The following KIF26B variants were observed in gnomAD, a reference collection of about 807,000 sequenced individuals.
KIF26B encodes kinesin-like protein KIF26B.
In KIF26B, 63 loss-of-function variants were observed where a neutral mutation model predicts 151.2. That is an observed-to-expected ratio of 0.42 (90% CI 0.34 to 0.51). KIF26B has a LOEUF of 0.51. Ranked by LOEUF, KIF26B falls within the 20% of genes least tolerant of loss-of-function variation. KIF26B has a pLI of 0.07. For missense variants in KIF26B, 2,813 were observed against 2,913.6 expected, an observed-to-expected ratio of 0.97 and a Z score of 0.79; for synonymous variants, 1,357 against 1,262.1, an observed-to-expected ratio of 1.08 and a Z score of -1.59.
At chr1:245,258,052 G>A (rs1163834835) in intron 2 of KIF26B, among the ~76,000 whole-genome samples, 1 of 152,028 alleles carries the variant, frequency 6.6e-6, no homozygotes, top group African/African-American at 2.4e-5. Flanking sequence ...GAAGCTTCTC[G>A]ATCTTGTCAC....
At chr1:245,631,398 C>A (rs969109152) in intron 9 of KIF26B, among the ~76,000 whole-genome samples, 1 of 151,854 alleles carries the variant, frequency 6.6e-6, no homozygotes, top group Non-Finnish European at 1.5e-5. Context: ...TTGTTTTAGT[C>A]TCTCATATGT....
Position 245,354,982 on chromosome 1 carries a change from G to A in KIF26B, c.466-11852G>A, listed in dbSNP as rs146088411. Among the ~76,000 whole-genome samples the A allele has an allele frequency of 7.4e-3, 1,120 of 152,232 alleles. 17 individuals carry two copies. The highest frequency in any genetic ancestry group is 0.023 in the African/African-American group (964 of 41,528). On this transcript the variant is annotated intron_variant, in intron 2 of 14. Transcript: ENST00000407071. ...GTCACCCAGGCTAGAGTGCACTGGC[G>A]CGATCTCGGCTCGCTGCAACCTATG...
At chr1:245,189,796 G>A (rs563533983) in intron 2 of KIF26B, among the ~76,000 whole-genome samples, 1 of 152,346 alleles carries the variant, frequency 6.6e-6, no homozygotes, top group African/African-American at 2.4e-5. Flanking sequence ...ATGAGACTGG[G>A]TAATTTATAA....
Position 245,419,731 on chromosome 1 carries a change from C to T in KIF26B, c.1152C>T (p.Ala384=). 1 of 1,612,100 alleles carries T rather than the reference C, an allele frequency of 6.2e-7. No homozygotes were observed. Among genetic ancestry groups the T allele is most frequent in the African/African-American group, 1.3e-5 (1 of 75,002 alleles). The change falls in exon 4 of 15, where the codon GCC becomes GCT. Residue 384 remains alanine (A), a synonymous_variant. Coordinates refer to ENST00000407071, the MANE Select transcript of KIF26B (RefSeq NM_018012.4). ...CTTCCACAGGCACATCGGTGGCCGC[C>T]TCCTTCTTTGCACGGTAAGAGAGCT... The part of the protein sequence containing the change: ...SETSTGTSVA[A]SFFARAAQKL...
At position 245,450,101 on chromosome 1, in the gene KIF26B, T is replaced by G. The variant is rs181064663; in HGVS notation, c.1166+30356T>G. The stretch of plus-strand genomic sequence containing the variant: ...ACAATTGGTGTGTATCTGGGTGGAA[T>G]GTGGTACCCGTGGTGAGTTTGCTTG... On this transcript the variant is annotated intron_variant, in intron 4 of 14. Coordinates refer to ENST00000407071, the MANE Select transcript of KIF26B (RefSeq NM_018012.4). 2.0e-5 allele frequency among the ~76,000 whole-genome samples: 3 copies of G among 152,286 alleles called. No individual in the cohort carries two copies. The East Asian group carries it at 5.8e-4, about 29-fold the overall frequency.
intron 2 of KIF26B, among the ~76,000 whole-genome samples, chr1:245,343,926 C>T (rs574421451): frequency 1.3e-5 from 2 of 152,280 alleles, no homozygotes; most frequent in South Asian, 2.1e-4. Flanking sequence ...TCCTACACAT[C>T]CAGTCCTCTG....
rs191710799 is a variant in KIF26B at position 245,411,466 on chromosome 1, T to A, written c.1000-8113T>A. On this transcript the variant is annotated intron_variant, in intron 3 of 14. Transcript: ENST00000407071. ...GTTAGGAGGCATCCCAGTGCTTCCCTCCTCAGTGAGTCATTTCATCTGTTT... is the reference window on the plus strand; with the variant it reads ...GTTAGGAGGCATCCCAGTGCTTCCCACCTCAGTGAGTCATTTCATCTGTTT... Among the ~76,000 whole-genome samples the A allele has an allele frequency of 2.8e-3, 425 of 152,280 alleles. 6 individuals carry two copies. Among genetic ancestry groups the A allele is most frequent in the African/African-American group, 9.8e-3 (406 of 41,562 alleles).
chr1:245,617,360 A>C (rs2043601587), intron 9 of KIF26B, among the ~76,000 whole-genome samples: 1 of 152,166 alleles, frequency 6.6e-6, no homozygotes, highest in Non-Finnish European at 1.5e-5. Flanking sequence ...GGCCTCCCCA[A>C]AGTGCTGGGA....
chr1:245,174,383 C>T (rs545927674), intron 2 of KIF26B, among the ~76,000 whole-genome samples: 12 of 151,694 alleles, frequency 7.9e-5, no homozygotes, highest in African/African-American at 2.9e-4. Context: ...CTTAAATTCA[C>T]TTAATAGACA....
At chr1:245,279,896 A>G (rs1671008478) in intron 2 of KIF26B, among the ~76,000 whole-genome samples, 1 of 151,968 alleles carries the variant, frequency 6.6e-6, no homozygotes, top group South Asian at 2.1e-4. Context: ...TCCCTCGTAA[A>G]TCTTTAGCTT....
chr1:245,701,548 A>C (rs1385760310), intron 14 of KIF26B, among the ~76,000 whole-genome samples: 2 of 152,220 alleles, frequency 1.3e-5, no homozygotes, highest in African/African-American at 2.4e-5. Context: ...TGCAGAAAGA[A>C]GACACTCTGC....
intron 5 of KIF26B, among the ~76,000 whole-genome samples, chr1:245,576,287 C>A (rs7556045): frequency 0.073 from 11,150 of 152,250 alleles, 581 homozygotes; most frequent in East Asian, 0.2. Context: ...GCCATCTATA[C>A]GTGAAGTGTC....
At chr1:245,622,821 G>A (rs796498245) in intron 9 of KIF26B, among the ~76,000 whole-genome samples, 27 of 152,188 alleles carry the variant, frequency 1.8e-4, no homozygotes, top group African/African-American at 5.8e-4. Context: ...GGATTGAGGC[G>A]GGGGGAAGGG....
At chr1:245,182,307 C>G (rs773670473) in intron 2 of KIF26B, among the ~76,000 whole-genome samples, 2 of 152,204 alleles carry the variant, frequency 1.3e-5, no homozygotes, top group Non-Finnish European at 2.9e-5. Context: ...TAGCATTTTA[C>G]ATGAACAAAG....
At chr1:245,661,111 C>T (rs969281654) in intron 10 of KIF26B, among the ~76,000 whole-genome samples, 3 of 151,848 alleles carry the variant, frequency 2.0e-5, no homozygotes, top group African/African-American at 4.8e-5. Context: ...CTCAGCCCCC[C>T]GAGTAGCCGG....
intron 2 of KIF26B, among the ~76,000 whole-genome samples, chr1:245,216,896 CT>C (rs1346481101): frequency 3.3e-5 from 5 of 152,232 alleles, no homozygotes; most frequent in African/African-American, 1.2e-4. Context: ...AATCGTTTCA[CT>C]TTTGCCTTAT....
chr1:245,568,004 C>G (rs777330146), intron 5 of KIF26B, among the ~76,000 whole-genome samples: 6 of 151,672 alleles, frequency 4.0e-5, no homozygotes, highest in Non-Finnish European at 8.8e-5. Flanking sequence ...GCCAGCATGG[C>G]AAAACCCCGT....
At chr1:245,307,885 T>G (rs11588411) in intron 2 of KIF26B, among the ~76,000 whole-genome samples, 2 of 151,978 alleles carry the variant, frequency 1.3e-5, no homozygotes, top group Non-Finnish European at 2.9e-5. Flanking sequence ...GGACTACAGG[T>G]GCCCGCCACC....
rs574079160 is a variant in KIF26B at position 245,533,703 on chromosome 1, G to A, written c.1167-7064G>A. 9.2e-5 allele frequency among the ~76,000 whole-genome samples: 14 copies of A among 152,152 alleles called. No individual in the cohort carries two copies. The East Asian group carries it at 2.5e-3, about 27-fold the overall frequency. ...GATTTCAATTTAATTCTCATGAGAT[G>A]CACTTAGAATGACGGGTTTTCCATT... On this transcript the variant is annotated intron_variant, in intron 4 of 14. Coordinates refer to ENST00000407071, the MANE Select transcript of KIF26B (RefSeq NM_018012.4).
Sources: gnomAD v4.1 joint callset for allele counts (sites outside exome capture counted in the v4.1 genomes callset) on GRCh38, gnomAD v4.1.1 for gene constraint, MANE v1.5 for transcripts, NCBI Gene and HGNC (gene_info 2026-07-23, HGNC 2026-07-21) for gene names.